Variants in SAMM50 observed in about 807,000 individuals in gnomAD.
The protein encoded by SAMM50 is SAMM50 sorting and assembly machinery component.
A neutral mutation model predicts 66.9 loss-of-function variants in SAMM50; 47 were observed. That is an observed-to-expected ratio of 0.70 (90% confidence interval 0.56 to 0.90). The LOEUF (loss-of-function observed/expected upper bound fraction) is 0.90, where lower values mean the gene tolerates loss of function less well. SAMM50 is among the 40% of genes least tolerant of loss of function. The pLI is 0.00. For synonymous variants in SAMM50, 191 were observed against 214.1 expected, an observed-to-expected ratio of 0.89 and a Z score of 0.94; for missense variants, 535 against 595.3, an observed-to-expected ratio of 0.90 and a Z score of 1.05.
In SAMM50 at chr22:43,972,403, T is replaced by C. The variant is rs576842454; in HGVS notation, c.429+61T>C. ...CTTAGAGTTGGGAACTTTTACACTA[T>C]GACTGCATTCTAAAAGCTGATGATA... On this transcript the variant is annotated intron_variant, in intron 5 of 14. Coordinates refer to ENST00000350028, the MANE Select transcript of SAMM50 (RefSeq NM_015380.5). 56 of 932,704 alleles carry C rather than the reference T, an allele frequency of 6.0e-5. 2 individuals carry two copies. The African/African-American group carries it at 7.0e-4, about 12-fold the overall frequency. 57.8% of individuals were successfully genotyped at this position (932,704 alleles called of 1,614,324 possible).
intron 12 of SAMM50, chr22:43,986,238 C>CAT (rs2050292783): frequency 1.3e-5 from 2 of 151,598 alleles, no homozygotes; most frequent in African/African-American, 4.9e-5. Context: ...GACGGGGTTT[C>CAT]TCCATGTTGG....
rs1204223067 is a variant in SAMM50, at chr22:43,996,099, G to A, written c.1365-239G>A. The A allele has an allele frequency of 4.7e-6, 3 of 637,528 alleles. No homozygotes were observed. The African/African-American group carries it at 5.4e-5, about 12-fold the overall frequency. 39.5% of individuals were successfully genotyped at this position (637,528 alleles called of 1,614,324 possible). On this transcript the variant is annotated intron_variant, in intron 14 of 14. Coordinates refer to ENST00000350028, the MANE Select transcript of SAMM50 (RefSeq NM_015380.5). ...GGAGGGAGTAGTGCAGGAGGATTTG[G>A]GTCTCTCCTTCTTTCCCTTTTCCAT...
intron 14 of SAMM50, among the ~76,000 whole-genome samples, chr22:43,992,264 C>T (rs1008356632): frequency 3.3e-5 from 5 of 152,252 alleles, no homozygotes; most frequent in African/African-American, 4.8e-5. Context: ...AGCATCGCCT[C>T]TCAGGTGCAG....
In SAMM50 at chr22:43,983,571, G is replaced by A. The variant is rs570252197; in HGVS notation, c.1008-362G>A. On this transcript the variant is annotated intron_variant, in intron 11 of 14. Transcript: ENST00000350028. The surrounding 1 kb of genome is among the most constrained non-coding windows in gnomAD (Gnocchi z 4.2). ...ATCCTGCTCTTCTTCCCCTAATATC[G>A]CACTGTGAGCCAGTAGGAGGCCCGC... 3.3e-5 allele frequency among the ~76,000 whole-genome samples: 5 copies of A among 152,014 alleles called. No individual in the cohort carries two copies. Among genetic ancestry groups the A allele is most frequent in the Admixed American group, 1.3e-4 (2 of 15,262 alleles).
chr22:43,963,659 G>A (rs1307424674), intron 2 of SAMM50, among the ~76,000 whole-genome samples: 3 of 152,138 alleles, frequency 2.0e-5, no homozygotes, highest in African/African-American at 7.2e-5. Flanking sequence ...AATATATCAA[G>A]GACAAACTCA....
In SAMM50 at chr22:43,977,456, G is replaced by A. The variant is rs115012870; in HGVS notation, c.850-416G>A. Reference sequence around the variant, plus strand: ...GTGGTACTTAGGTGTTGTCAAGCAGGGCAAAAGCCCGGGGGTGCCTGACCT... The same window carrying A: ...GTGGTACTTAGGTGTTGTCAAGCAGAGCAAAAGCCCGGGGGTGCCTGACCT... On this transcript the variant is annotated intron_variant, in intron 9 of 14. Coordinates refer to ENST00000350028, the MANE Select transcript of SAMM50 (RefSeq NM_015380.5). Among the ~76,000 whole-genome samples the A allele has an allele frequency of 7.2e-3, 1,091 of 152,280 alleles. 7 individuals carry two copies. Among genetic ancestry groups the A allele is most frequent in the African/African-American group, 0.025 (1,035 of 41,556 alleles).
At chr22:43,993,895 G>A (rs147767307) in intron 14 of SAMM50, among the ~76,000 whole-genome samples, 1 of 152,326 alleles carries the variant, frequency 6.6e-6, no homozygotes, top group African/African-American at 2.4e-5. Context: ...GTTTTGAGAT[G>A]TTTGCTTACT....
At position 43,984,607 on chromosome 22, in the gene SAMM50, G is replaced by A. The variant is rs750094979; in HGVS notation, c.1075+607G>A. Among the ~76,000 whole-genome samples, 11 of 150,254 alleles carry A rather than the reference G, an allele frequency of 7.3e-5. No homozygotes were observed. The East Asian group carries it at 2.2e-3, about 30-fold the overall frequency. On this transcript the variant is annotated intron_variant, in intron 12 of 14. Coordinates refer to ENST00000350028, the MANE Select transcript of SAMM50 (RefSeq NM_015380.5). ...ATTACAGGTGTGAGCCACTGGGCCCGACCCCTATGTATTATTATTAATATT... is the reference window on the plus strand; with the variant it reads ...ATTACAGGTGTGAGCCACTGGGCCCAACCCCTATGTATTATTATTAATATT...
chr22:43,960,583 G>A (rs2050142665), intron 1 of SAMM50, among the ~76,000 whole-genome samples: 1 of 152,116 alleles, frequency 6.6e-6, no homozygotes, highest in Admixed American at 6.5e-5. Context: ...ACAATAATTA[G>A]CCAGGTATAG....
chr22:43,992,591 TCTGTGTGA>T (rs1244076019), intron 14 of SAMM50, among the ~76,000 whole-genome samples: 1 of 152,244 alleles, frequency 6.6e-6, no homozygotes, highest in Non-Finnish European at 1.5e-5. Flanking sequence ...GCTTGGCCAC[TCTGTGTGA>T]CTGTGTGGCC....
rs2050114131 is a variant in SAMM50 at position 43,955,524 on chromosome 22, A to G, written c.-54A>G. ...GGACCCGCCTTCTGCCCTCAGCAGC[A>G]GACGCTCTGTCCCGCCCGGGCAGCT... On this transcript the variant is annotated 5_prime_UTR_variant, in exon 1 of 15. Coordinates refer to ENST00000350028, the MANE Select transcript of SAMM50 (RefSeq NM_015380.5). The G allele has an allele frequency of 1.3e-6, 2 of 1,576,178 alleles. No homozygotes were observed. Among genetic ancestry groups the G allele is most frequent in the African/African-American group, 1.3e-5 (1 of 74,368 alleles).
chr22:43,961,658 G>T (rs1308852890), intron 1 of SAMM50, among the ~76,000 whole-genome samples: 4 of 152,062 alleles, frequency 2.6e-5, no homozygotes, highest in Non-Finnish European at 5.9e-5. Context: ...CACCATGTTG[G>T]CCAGGCTGGT....
intron 9 of SAMM50, 140 bp from the exon 10 acceptor site, chr22:43,977,732 G>A: frequency 3.4e-6 from 2 of 583,832 alleles, no homozygotes; most frequent in South Asian, 3.9e-5. Flanking sequence ...ATTAGGATGT[G>A]GCTTCTAGGA....
chr22:43,971,784 C>T (rs1353016969), intron 4 of SAMM50, among the ~76,000 whole-genome samples: 1 of 152,072 alleles, frequency 6.6e-6, no homozygotes, highest in Non-Finnish European at 1.5e-5. Context: ...AGTCATAGCT[C>T]ACTGCAGCCT....
chr22:43,955,747 A>C (rs1281926613), intron 1 of SAMM50, 149 bp downstream of exon 1: 1 of 822,582 alleles, frequency 1.2e-6, no homozygotes, highest in Non-Finnish European at 1.9e-6. Context: ...GGCCGAAAAG[A>C]GGTCGCCTCG....
rs1374962736 is a variant in SAMM50 at position 43,958,686 on chromosome 22, C to T, written c.21+3088C>T. Among the ~76,000 whole-genome samples, 4 of 151,988 alleles carry T rather than the reference C, an allele frequency of 2.6e-5. No individual in the cohort carries two copies. The East Asian group carries it at 7.7e-4, about 29-fold the overall frequency. On this transcript the variant is annotated intron_variant, in intron 1 of 14. Coordinates refer to ENST00000350028, the MANE Select transcript of SAMM50 (RefSeq NM_015380.5). Reference sequence around the variant, plus strand: ...TAGAGACAGGGTTTTGCCATGTTGGCCAGGATGGTCTCAATCTCCTGACCT... The same window carrying T: ...TAGAGACAGGGTTTTGCCATGTTGGTCAGGATGGTCTCAATCTCCTGACCT...
chr22:43,962,045 T>C (rs1046233758), intron 1 of SAMM50, among the ~76,000 whole-genome samples: 1 of 152,136 alleles, frequency 6.6e-6, no homozygotes, highest in African/African-American at 2.4e-5. Flanking sequence ...TAGATGTTTC[T>C]CAACTATAAC....
chr22:43,995,036 C>G lies in SAMM50; in HGVS notation c.1365-1302C>G, dbSNP rs183705522. 3.5e-4 allele frequency among the ~76,000 whole-genome samples: 53 copies of G among 152,266 alleles called. 1 individual carries two copies. Among genetic ancestry groups the G allele is most frequent in the East Asian group, 1.9e-4 (1 of 5,176 alleles). On this transcript the variant is annotated intron_variant, in intron 14 of 14. Transcript: ENST00000350028. ...TTTGAAGGAGCTGAGAGTGTACAAT[C>G]TAAAAACAGATCTGAACACAACTAA...
chr22:43,994,139 A>G (rs1196787346), intron 14 of SAMM50, among the ~76,000 whole-genome samples: 1 of 152,082 alleles, frequency 6.6e-6, no homozygotes, highest in Non-Finnish European at 1.5e-5. Context: ...TTCCTAGAGG[A>G]CAGACAGCCA....
Sources: gnomAD v4.1 joint callset for allele counts (sites outside exome capture counted in the v4.1 genomes callset) on GRCh38, gnomAD v4.1.1 for gene constraint, Gnocchi (gnomAD v3.1) non-coding constraint, MANE v1.5 for transcripts, NCBI Gene and HGNC (gene_info 2026-07-23, HGNC 2026-07-21) for gene names.